Variants in RASGRF2 observed in about 807,000 individuals in gnomAD.
RASGRF2 encodes the protein Ras protein specific guanine nucleotide releasing factor 2, also known as ras-specific guanine nucleotide-releasing factor 2.
In RASGRF2, 76 loss-of-function variants were observed where a neutral mutation model predicts 151.0. The observed-to-expected ratio is 0.50, with a 90% CI of 0.42 to 0.61. The LOEUF (loss-of-function observed/expected upper bound fraction) is 0.61, where lower values mean the gene tolerates loss of function less well. Among genes scored for constraint, RASGRF2 ranks in the 20% least tolerant of loss-of-function variants. The pLI is 0.00. For synonymous variants in RASGRF2, 504 were observed against 566.5 expected (o/e 0.89, Z 1.57); for missense variants, 1,148 against 1,564.6 (o/e 0.73, Z 4.49).
chr5:81,189,877 A>C (rs1357448025), intron 18 of RASGRF2, among the ~76,000 whole-genome samples: 1 of 151,728 alleles, frequency 6.6e-6, no homozygotes, highest in Non-Finnish European at 1.5e-5. Flanking sequence ...ACACCAAGCT[A>C]ATTTTTTTGT....
rs116050686 is a variant in RASGRF2 at position 81,042,016 on chromosome 5, T to C, written c.289-861T>C. Among the ~76,000 whole-genome samples the C allele has an allele frequency of 9.4e-3, 1,432 of 152,306 alleles. 18 individuals carry two copies. Among genetic ancestry groups the C allele is most frequent in the African/African-American group, 0.033 (1,357 of 41,538 alleles). The stretch of plus-strand genomic sequence containing the variant: ...TCCATGTTATTGTTTTTATCAAGAA[T>C]TCTTCTTTTTTTAATTGCTGAGTAA... On this transcript the variant is annotated intron_variant, in intron 1 of 26. Coordinates refer to ENST00000265080, the MANE Select transcript of RASGRF2 (RefSeq NM_006909.3).
chr5:81,223,227 T>C (rs142746325), intron 26 of RASGRF2: 12 of 152,302 alleles, frequency 7.9e-5, no homozygotes, highest in African/African-American at 2.6e-4. Context: ...GACAAACTTA[T>C]CTTGAAACTC....
intron 12 of RASGRF2, among the ~76,000 whole-genome samples, chr5:81,099,907 CTTTT>C (rs577876645): frequency 1.6e-5 from 2 of 125,036 alleles, no homozygotes; most frequent in Non-Finnish European, 3.3e-5. Flanking sequence ...TTTCTTTTTT[CTTTT>C]TTTTTTTTTT....
At chr5:81,126,992 C>A in intron 16 of RASGRF2, 82 bp from the exon 17 acceptor site, 2 of 1,458,930 alleles carry the variant, frequency 1.4e-6, no homozygotes, top group Non-Finnish European at 1.9e-6. Context: ...TCATCTGGTG[C>A]AGGAAGAAAA....
chr5:81,006,593 A>G (rs1215409977), intron 1 of RASGRF2, among the ~76,000 whole-genome samples: 4 of 152,158 alleles, frequency 2.6e-5, no homozygotes, highest in Non-Finnish European at 4.4e-5. Context: ...GAAGCCATCA[A>G]AATGCTTATT....
At chr5:81,021,405 G>A (rs1383728204) in intron 1 of RASGRF2, among the ~76,000 whole-genome samples, 1 of 152,120 alleles carries the variant, frequency 6.6e-6, no homozygotes, top group Non-Finnish European at 1.5e-5. Context: ...AAATGAACCT[G>A]CATTTAGTGG....
At chr5:80,997,948 G>C (rs1748942596) in intron 1 of RASGRF2, 1 of 135,544 alleles carries the variant, frequency 7.4e-6, no homozygotes, top group Non-Finnish European at 1.5e-5. Flanking sequence ...CAGCCTGGGA[G>C]ACAGAGCAAG....
chr5:81,070,899 A>G (rs1017559014), intron 4 of RASGRF2, among the ~76,000 whole-genome samples: 17 of 152,276 alleles, frequency 1.1e-4, no homozygotes, highest in East Asian at 5.8e-4. Context: ...TTTAAATTAC[A>G]TTTCAAAAAT....
chr5:81,131,899 C>G (rs938765288), intron 17 of RASGRF2, among the ~76,000 whole-genome samples: 1 of 152,136 alleles, frequency 6.6e-6, no homozygotes, highest in Non-Finnish European at 1.5e-5. Flanking sequence ...ATAGGTGATA[C>G]CCAGGATTGT....
intron 1 of RASGRF2, among the ~76,000 whole-genome samples, chr5:81,006,606 C>T (rs574037355): frequency 2.7e-4 from 41 of 152,248 alleles, no homozygotes; most frequent in Non-Finnish European, 5.0e-4. Flanking sequence ...TGCTTATTCC[C>T]TTTGCTGGGG....
intron 17 of RASGRF2, among the ~76,000 whole-genome samples, chr5:81,149,420 C>T (rs1580359970): frequency 1.3e-5 from 2 of 151,610 alleles, no homozygotes; most frequent in East Asian, 1.9e-4. Flanking sequence ...AAGTGGGAGC[C>T]AAGCCATGAG....
chr5:81,203,819 C>T (rs1203446966), intron 19 of RASGRF2, among the ~76,000 whole-genome samples: 1 of 152,204 alleles, frequency 6.6e-6, no homozygotes, highest in East Asian at 1.9e-4. Flanking sequence ...AAGTCATTAG[C>T]ACTCGTAGTA....
chr5:81,104,812 G>T (rs1004915626), intron 12 of RASGRF2, among the ~76,000 whole-genome samples: 3 of 152,192 alleles, frequency 2.0e-5, no homozygotes, highest in Admixed American at 1.3e-4. Flanking sequence ...TAGATGAAGG[G>T]TGGAGGAGGG....
At chr5:81,126,660 A>G (rs1753463398) in intron 16 of RASGRF2, among the ~76,000 whole-genome samples, 2 of 152,168 alleles carry the variant, frequency 1.3e-5, no homozygotes, top group South Asian at 4.1e-4. Flanking sequence ...ATCATATAAT[A>G]TGTGACCTTT....
In RASGRF2 at chr5:81,228,185, G is replaced by T. The variant is rs1276508434; in HGVS notation, c.*2415G>T. 3 of 152,374 alleles carry T rather than the reference G, an allele frequency of 2.0e-5. No homozygotes were observed. Among genetic ancestry groups the T allele is most frequent in the Middle Eastern group, 6.8e-3 (2 of 294 alleles). 9.4% of individuals were successfully genotyped at this position (152,374 alleles called of 1,614,324 possible). On this transcript the variant is annotated 3_prime_UTR_variant, in exon 27 of 27. Transcript: ENST00000265080. ...TCTTCCTGCCTCAGCCTCTCAAGCA[G>T]CTGGGACTGCAGGGGTGTGCCACTC... is the stretch of plus-strand genomic sequence containing the variant.
intron 1 of RASGRF2, among the ~76,000 whole-genome samples, chr5:81,007,039 A>T (rs1043002305): frequency 6.6e-6 from 1 of 152,112 alleles, no homozygotes; most frequent in African/African-American, 2.4e-5. Context: ...AGGGTATATA[A>T]CCATTAACCA....
intron 19 of RASGRF2, among the ~76,000 whole-genome samples, chr5:81,205,237 C>T (rs180745366): frequency 1.7e-4 from 26 of 152,292 alleles, no homozygotes; most frequent in Admixed American, 5.9e-4. Flanking sequence ...CCCCTTCAGA[C>T]AGCCGAGGGA....
chr5:81,108,725 G>A (rs1752911187), intron 12 of RASGRF2, among the ~76,000 whole-genome samples: 1 of 152,118 alleles, frequency 6.6e-6, no homozygotes, highest in Admixed American at 6.5e-5. Context: ...CACATTCAGG[G>A]GAAGTACAGC....
At chr5:81,152,810 G>A (rs1437029618) in intron 17 of RASGRF2, among the ~76,000 whole-genome samples, 1 of 152,174 alleles carries the variant, frequency 6.6e-6, no homozygotes, top group Non-Finnish European at 1.5e-5. Flanking sequence ...TGGCATTTTA[G>A]CCTGAGACTG....
Sources: gnomAD v4.1 joint callset for allele counts (sites outside exome capture counted in the v4.1 genomes callset) on GRCh38, gnomAD v4.1.1 for gene constraint, MANE v1.5 for transcripts, NCBI Gene and HGNC (gene_info 2026-07-23, HGNC 2026-07-21) for gene names.